Variants in HSPA14 observed in about 807,000 individuals in gnomAD.
The protein encoded by HSPA14 is heat shock 70 kDa protein 14.
In HSPA14, 37 loss-of-function variants were observed where a neutral mutation model predicts 65.5. The ratio of observed to expected loss-of-function variants is 0.56; its 90% CI spans 0.43 to 0.74. The LOEUF (loss-of-function observed/expected upper bound fraction) is 0.74. Ranked by LOEUF, HSPA14 falls within the 30% of genes least tolerant of loss-of-function variation. The probability of loss-of-function intolerance (pLI) is 0.00; values close to 1 mark genes in which losing one functional copy is unlikely to be tolerated. For missense variants in HSPA14, 564 were observed against 607.6 expected (o/e 0.93, Z 0.75); for synonymous variants, 203 against 214.2 (o/e 0.95, Z 0.46).
At position 14,852,366 on chromosome 10, in the gene HSPA14, G is replaced by T; in HGVS notation, c.573-4G>T. On this transcript the variant is annotated splice_region_variant and splice_polypyrimidine_tract_variant and intron_variant, in intron 7 of 13. Coordinates refer to ENST00000378372, the MANE Select transcript of HSPA14 (RefSeq NM_016299.4). ...CTGATAACTTACTTTATCTTCTCTT[G>T]AAGCAATATTTTGGTGTTTAAGCTT... 1 of 1,611,088 alleles carries T rather than the reference G, an allele frequency of 6.2e-7. No homozygotes were observed. Among genetic ancestry groups the T allele is most frequent in the Non-Finnish European group, 8.5e-7 (1 of 1,178,346 alleles).
chr10:14,858,997 G>A (rs895960735), intron 10 of HSPA14, among the ~76,000 whole-genome samples: 2 of 152,058 alleles, frequency 1.3e-5, no homozygotes, highest in Non-Finnish European at 2.9e-5. Context: ...GGAGAGTTTG[G>A]CTTTTTTTGG....
intron 10 of HSPA14, among the ~76,000 whole-genome samples, chr10:14,864,816 T>G (rs1429190775): frequency 6.6e-6 from 1 of 152,240 alleles, no homozygotes; most frequent in African/African-American, 2.4e-5. Context: ...GCAGCATGAC[T>G]TATAATCCTT....
At chr10:14,860,623 C>T (rs1283385389) in intron 10 of HSPA14, among the ~76,000 whole-genome samples, 3 of 151,912 alleles carry the variant, frequency 2.0e-5, no homozygotes, top group African/African-American at 7.3e-5. Flanking sequence ...GCCTGAGGAG[C>T]AGCAGGGAGG....
chr10:14,868,879 C>G (rs1318735687), intron 12 of HSPA14, among the ~76,000 whole-genome samples: 2 of 152,226 alleles, frequency 1.3e-5, no homozygotes, highest in African/African-American at 4.8e-5. Flanking sequence ...CGGAGTCTCG[C>G]TCTCTTGCCC....
At chr10:14,849,557 T>C (rs1385215202) in intron 5 of HSPA14, 164 bp from the exon 6 acceptor site, 4 of 700,110 alleles carry the variant, frequency 5.7e-6, no homozygotes, top group Non-Finnish European at 1.1e-5. Flanking sequence ...AAGTGCTGCA[T>C]GATTTCAGAG....
Position 14,848,666 on chromosome 10 carries a change from G to C in HSPA14, c.270+9G>C, listed in dbSNP as rs1834083558. 6.2e-7 allele frequency: 1 copy of C among 1,605,270 alleles called. No individual in the cohort carries two copies. Among genetic ancestry groups the C allele is most frequent in the Admixed American group, 1.7e-5 (1 of 59,854 alleles). ...CGGAAAGTAAATGTTTAGTGAGTATGGTTCTGTTATTGCTTCCCTGTTACA... is the reference window on the plus strand; with the variant it reads ...CGGAAAGTAAATGTTTAGTGAGTATCGTTCTGTTATTGCTTCCCTGTTACA... On this transcript the variant is annotated intron_variant, in intron 4 of 13. Transcript: ENST00000378372.
intron 3 of HSPA14, among the ~76,000 whole-genome samples, chr10:14,841,715 C>G (rs903549647): frequency 6.6e-6 from 1 of 152,196 alleles, no homozygotes; most frequent in Non-Finnish European, 1.5e-5. Context: ...AACTTAAACT[C>G]ACTTTTCTGG....
intron 10 of HSPA14, among the ~76,000 whole-genome samples, chr10:14,865,007 C>G (rs368465714): frequency 6.6e-6 from 1 of 152,020 alleles, no homozygotes; most frequent in Non-Finnish European, 1.5e-5. Context: ...TTTTAATGAT[C>G]GCCATTCTAA....
Position 14,846,456 on chromosome 10 carries a change from G to A in HSPA14, c.222-2153G>A, listed in dbSNP as rs1051504908. 5.1e-6 allele frequency: 5 copies of A among 985,230 alleles called. No individual in the cohort carries two copies. In the African/African-American group the frequency reaches 8.7e-5, roughly 17 times the overall value. 61.0% of individuals were successfully genotyped at this position (985,230 alleles called of 1,614,324 possible). A position where few individuals can be genotyped will look rare whatever the true frequency, so the allele number is the denominator to read the frequency against. ...GAATAAAAGTCAAGGGAAAGGTCTT[G>A]AATAAGTACACAGAAAAATAGGCTA... On this transcript the variant is annotated intron_variant, in intron 3 of 13. Transcript: ENST00000378372.
intron 11 of HSPA14, 79 bp from the exon 12 acceptor site, chr10:14,867,657 A>T: frequency 1.7e-6 from 2 of 1,206,262 alleles, no homozygotes. Flanking sequence ...AGGAATATAT[A>T]TCTCATTTAT....
chr10:14,863,715 T>C (rs1426221963), intron 10 of HSPA14, among the ~76,000 whole-genome samples: 2 of 152,248 alleles, frequency 1.3e-5, no homozygotes, highest in Admixed American at 1.3e-4. Context: ...CTTCTCTGCC[T>C]CTCTCACTCT....
At chr10:14,845,259 TA>T in intron 3 of HSPA14, 1 of 985,126 alleles carries the variant, frequency 1.0e-6, no homozygotes. Flanking sequence ...GGAATACAAA[TA>T]GGAATCTTTA....
chr10:14,869,836 CCTCT>C (rs748034948), intron 12 of HSPA14, among the ~76,000 whole-genome samples: 3 of 152,192 alleles, frequency 2.0e-5, no homozygotes, highest in African/African-American at 4.8e-5. Context: ...TTCTTCACAT[CCTCT>C]CTGAGACTCC....
chr10:14,859,059 C>G (rs1832730504), intron 10 of HSPA14, among the ~76,000 whole-genome samples: 1 of 152,262 alleles, frequency 6.6e-6, no homozygotes, highest in African/African-American at 2.4e-5. Flanking sequence ...GGCCTGAGAG[C>G]AGAGAGCTTC....
At chr10:14,848,986 G>A in intron 5 of HSPA14, 91 bp downstream of exon 5, 1 of 682,474 alleles carries the variant, frequency 1.5e-6, no homozygotes, top group South Asian at 2.0e-5. Flanking sequence ...TAGATCTTGG[G>A]AGAAGCAGAG....
At chr10:14,855,113 A>G (rs1186720261) in intron 9 of HSPA14, among the ~76,000 whole-genome samples, 1 of 152,208 alleles carries the variant, frequency 6.6e-6, no homozygotes, top group African/African-American at 2.4e-5. Context: ...TTGCTTTATT[A>G]ATCAGTAATT....
rs1048449950 is a variant in HSPA14, at chr10:14,845,929, C to G, written c.222-2680C>G. 1.6e-5 allele frequency: 12 copies of G among 745,326 alleles called. No homozygotes were observed. The African/African-American group carries it at 2.3e-4, about 14-fold the overall frequency. The allele number at this position is 745,326 out of a possible 1,614,324, so 46.2% of individuals were successfully genotyped here. On this transcript the variant is annotated intron_variant, in intron 3 of 13. Coordinates refer to ENST00000378372, the MANE Select transcript of HSPA14 (RefSeq NM_016299.4). ...TATTAGATTTTTTTTTTCCTAGTAC[C>G]TTCCAGCTCTAAAAAAATTTGAAAT... is the stretch of plus-strand genomic sequence containing the variant.
At chr10:14,859,697 A>G (rs964911882) in intron 10 of HSPA14, among the ~76,000 whole-genome samples, 1 of 152,198 alleles carries the variant, frequency 6.6e-6, no homozygotes, top group African/African-American at 2.4e-5. Flanking sequence ...CAGTCTTTGT[A>G]ACTTGGTGGA....
At chr10:14,857,218 C>A (rs1168883846) in intron 10 of HSPA14, among the ~76,000 whole-genome samples, 3 of 152,092 alleles carry the variant, frequency 2.0e-5, no homozygotes, top group African/African-American at 7.2e-5. Flanking sequence ...TTTTTCCTCC[C>A]CTGTAAGAGA....
Sources: gnomAD v4.1 joint callset for allele counts (sites outside exome capture counted in the v4.1 genomes callset) on GRCh38, gnomAD v4.1.1 for gene constraint, MANE v1.5 for transcripts, NCBI Gene and HGNC (gene_info 2026-07-23, HGNC 2026-07-21) for gene names.